Variants in CELF2 observed in about 807,000 individuals in gnomAD.
The protein encoded by CELF2 is CUG triplet repeat RNA-binding protein 2.
In CELF2, 8 loss-of-function variants were observed where a neutral mutation model predicts 62.6. That is an observed-to-expected ratio of 0.13 (90% CI 0.07 to 0.23). The LOEUF (loss-of-function observed/expected upper bound fraction) is 0.23, where lower values mean the gene tolerates loss of function less well. CELF2 is among the 10% of genes least tolerant of loss of function. The probability of loss-of-function intolerance (pLI) is 1.00; values close to 1 mark genes in which losing one functional copy is unlikely to be tolerated. For synonymous variants in CELF2, 258 were observed against 250.0 expected (o/e 1.03, Z -0.30); for missense variants, 333 against 671.0 (o/e 0.50, Z 5.56).
At chr10:10,642,179 ATAAT>A in the CELF2 span, among the ~76,000 whole-genome samples, 7 of 152,258 alleles carry the variant, frequency 4.6e-5, no homozygotes, top group East Asian at 1.2e-3. Flanking sequence ...AAGGATATTT[ATAAT>A]AGTCCCAAGA....
chr10:11,134,915 G>T (rs1395798385), intron 1 of CELF2, among the ~76,000 whole-genome samples: 1 of 152,234 alleles, frequency 6.6e-6, no homozygotes, highest in Non-Finnish European at 1.5e-5. Context: ...TGAAATAGCT[G>T]TGGCCGCTGG....
chr10:11,166,691 T>G (rs1286352193), intron 2 of CELF2, among the ~76,000 whole-genome samples: 1 of 152,258 alleles, frequency 6.6e-6, no homozygotes, highest in African/African-American at 2.4e-5. Flanking sequence ...ATTTCTATAT[T>G]GCTTCTCCTA....
intron 1 of CELF2, among the ~76,000 whole-genome samples, chr10:11,059,931 A>G (rs1018722984): frequency 1.3e-5 from 2 of 152,240 alleles, no homozygotes; most frequent in East Asian, 3.8e-4. Context: ...TAAGCTTAGC[A>G]CAGAATAGAT....
the CELF2 span, among the ~76,000 whole-genome samples, chr10:10,517,164 A>C: frequency 6.6e-6 from 1 of 152,130 alleles, no homozygotes; most frequent in Non-Finnish European, 1.5e-5. Flanking sequence ...GCCCCTTACA[A>C]TTACTGGAAT....
the CELF2 span, among the ~76,000 whole-genome samples, chr10:10,590,294 C>G: frequency 4.5e-4 from 69 of 152,234 alleles, 1 homozygote; most frequent in African/African-American, 1.5e-3. Flanking sequence ...TATTTGAAAC[C>G]CACAGATAAT....
intron 3 of CELF2, among the ~76,000 whole-genome samples, chr10:11,234,498 C>T (rs1048246337): frequency 7.2e-5 from 11 of 151,982 alleles, no homozygotes; most frequent in Admixed American, 5.9e-4. Context: ...CTAGCTAACA[C>T]GGTGAAACCC....
intron 1 of CELF2, among the ~76,000 whole-genome samples, chr10:10,887,148 T>C (rs76488274): frequency 3.3e-5 from 5 of 152,038 alleles, no homozygotes; most frequent in African/African-American, 1.2e-4. Context: ...TTTTTTTTTT[T>C]CCTAAGCTCC....
rs144905647 is a variant in CELF2, at chr10:11,141,860, T to C, written c.75-23626T>C. ...ATAGCGTGCACAGTAGTTTCACATA[T>C]AGTATCTGTTTTAATCCTTGAAACA... On this transcript the variant is annotated intron_variant, in intron 1 of 12. Coordinates refer to ENST00000633077, the MANE Select transcript of CELF2 (RefSeq NM_001326342.2). 1.1e-4 allele frequency among the ~76,000 whole-genome samples: 16 copies of C among 152,346 alleles called. No individual in the cohort carries two copies. The East Asian group carries it at 2.9e-3, about 28-fold the overall frequency.
the CELF2 span, among the ~76,000 whole-genome samples, chr10:10,790,161 G>A: frequency 6.6e-6 from 1 of 151,956 alleles, no homozygotes; most frequent in Non-Finnish European, 1.5e-5. Context: ...TATGACATTA[G>A]TTGAGTAATT....
At chr10:10,591,804 T>A in the CELF2 span, among the ~76,000 whole-genome samples, 2 of 152,250 alleles carry the variant, frequency 1.3e-5, no homozygotes, top group Non-Finnish European at 2.9e-5. Context: ...CTGCTGTGCC[T>A]CATTCCATGT....
At chr10:11,197,350 A>G (rs1389715158) in intron 2 of CELF2, among the ~76,000 whole-genome samples, 2 of 152,190 alleles carry the variant, frequency 1.3e-5, no homozygotes, top group Non-Finnish European at 2.9e-5. Flanking sequence ...GTCCATTCAT[A>G]TGGGTAAAAA....
At chr10:11,228,750 G>A (rs1011756867) in intron 3 of CELF2, among the ~76,000 whole-genome samples, 5 of 142,366 alleles carry the variant, frequency 3.5e-5, no homozygotes, top group African/African-American at 1.3e-4. Flanking sequence ...AAAAAACTTG[G>A]AACCACCATT....
At chr10:11,013,539 C>A (rs1228905071), upstream of CELF2, among the ~76,000 whole-genome samples, 3 of 152,104 alleles carry the variant, frequency 2.0e-5, no homozygotes, top group Non-Finnish European at 4.4e-5. This position sits in a 1 kb window ranked among gnomAD's most constrained non-coding sequence, Gnocchi z 4.1. Context: ...ATGATGTATT[C>A]TGGCTCTATG....
chr10:10,991,432 T>A (rs943336274), intron 2 of CELF2, among the ~76,000 whole-genome samples: 30 of 152,156 alleles, frequency 2.0e-4, no homozygotes, highest in African/African-American at 7.2e-4. Context: ...ACAAATGGGC[T>A]GCAGAGACCT....
chr10:10,735,960 T>TG, the CELF2 span, among the ~76,000 whole-genome samples: 2 of 152,178 alleles, frequency 1.3e-5, no homozygotes, highest in African/African-American at 4.8e-5. Flanking sequence ...AGTGAACACA[T>TG]GCTCAATGAA....
At position 11,227,675 on chromosome 10, in the gene CELF2, A is replaced by C. The variant is rs995637089; in HGVS notation, c.354+10168A>C. On this transcript the variant is annotated intron_variant, in intron 3 of 12. Transcript: ENST00000633077. This position sits in a 1 kb window ranked among gnomAD's most constrained non-coding sequence, Gnocchi z 4.8. ...TGAGGTGGAAGCTCAGGCTACCTCT[A>C]TCTTAGTTACAACAGTCAGAGCTCA... is the stretch of plus-strand genomic sequence containing the variant. Among the ~76,000 whole-genome samples, 1 of 152,156 alleles carries C rather than the reference A, an allele frequency of 6.6e-6. No homozygotes were observed. The highest frequency in any genetic ancestry group is 1.9e-4 in the East Asian group (1 of 5,196).
chr10:11,322,174 G>C (rs2095476098), intron 11 of CELF2, among the ~76,000 whole-genome samples: 1 of 152,154 alleles, frequency 6.6e-6, no homozygotes, highest in Admixed American at 6.5e-5. Context: ...CCAGGGTTTT[G>C]GAGTCCACAC....
chr10:11,041,257 T>C (rs2061794580), intron 1 of CELF2, among the ~76,000 whole-genome samples: 1 of 152,148 alleles, frequency 6.6e-6, no homozygotes, highest in East Asian at 1.9e-4. Flanking sequence ...ATGTTGGGGG[T>C]TAGGACTTTA....
chr10:10,688,582 T>C, the CELF2 span, among the ~76,000 whole-genome samples: 4 of 152,212 alleles, frequency 2.6e-5, no homozygotes, highest in African/African-American at 9.7e-5. Flanking sequence ...CTCAATGCAT[T>C]ACTCCTTGAT....
Sources: gnomAD v4.1 joint callset for allele counts (sites outside exome capture counted in the v4.1 genomes callset) on GRCh38, gnomAD v4.1.1 for gene constraint, Gnocchi (gnomAD v3.1) non-coding constraint, MANE v1.5 for transcripts, NCBI Gene and HGNC (gene_info 2026-07-23, HGNC 2026-07-21) for gene names.